Variants in EPS15 observed in about 807,000 individuals in gnomAD.
The protein encoded by EPS15 is epidermal growth factor receptor substrate 15.
In EPS15, 72 loss-of-function variants were observed where a neutral mutation model predicts 113.8. The ratio of observed to expected loss-of-function variants is 0.63; its 90% CI spans 0.52 to 0.77. EPS15 has a LOEUF of 0.77. EPS15 is among the 30% of genes least tolerant of loss of function. EPS15 has a pLI of 0.00. For synonymous variants in EPS15, 344 were observed against 363.4 expected, an observed-to-expected ratio of 0.95 and a Z score of 0.61; for missense variants, 1,048 against 1,045.8, an observed-to-expected ratio of 1.00 and a Z score of -0.03.
At chr1:51,455,696 A>G (rs1000124365) in intron 8 of EPS15, among the ~76,000 whole-genome samples, 3 of 152,242 alleles carry the variant, frequency 2.0e-5, no homozygotes, top group African/African-American at 4.8e-5. Flanking sequence ...ACTCGGAAAT[A>G]TATTTCCAAT....
chr1:51,357,416 ATATATATATATTTTT>A (rs1236135740), intron 24 of EPS15, among the ~76,000 whole-genome samples: 55 of 64,500 alleles, frequency 8.5e-4, no homozygotes, highest in Non-Finnish European at 1.1e-3. Flanking sequence ...ATATATATAT[ATATATATATATTTTT>A]TTTTTTTAAA....
chr1:51,428,653 CCT>C (rs2148458826), intron 12 of EPS15, among the ~76,000 whole-genome samples: 1 of 151,874 alleles, frequency 6.6e-6, no homozygotes, highest in East Asian at 1.9e-4. Flanking sequence ...ACAGTGAAAC[CCT>C]GTCTCCACTA....
intron 1 of EPS15, among the ~76,000 whole-genome samples, chr1:51,505,986 A>G (rs1295106201): frequency 6.6e-6 from 1 of 152,106 alleles, no homozygotes; most frequent in Non-Finnish European, 1.5e-5. Flanking sequence ...TCCTAGGTTC[A>G]AGCAATTCTC....
At chr1:51,471,081 T>C (rs1289634155) in intron 4 of EPS15, among the ~76,000 whole-genome samples, 3 of 152,212 alleles carry the variant, frequency 2.0e-5, no homozygotes, top group Non-Finnish European at 2.9e-5. Context: ...GCTTCAGCTA[T>C]GCCGGGGGTG....
At chr1:51,454,229 A>T (rs1309435618) in intron 8 of EPS15, among the ~76,000 whole-genome samples, 1 of 152,152 alleles carries the variant, frequency 6.6e-6, no homozygotes, top group African/African-American at 2.4e-5. Context: ...GACCCAAACA[A>T]ATATTACTGA....
rs115643375 is a variant in EPS15 at position 51,436,901 on chromosome 1, A to G, written c.1040+3446T>C. Among the ~76,000 whole-genome samples the G allele has an allele frequency of 9.8e-3, 1,487 of 152,272 alleles. 15 individuals are homozygous for G. Among genetic ancestry groups the G allele is most frequent in the African/African-American group, 0.034 (1,413 of 41,540 alleles). Reference sequence around the variant, plus strand: ...AATTCATATCCTACTAGATGTTCAGATGAAAACACTAGTAGGCAATGAAAA... The same window carrying G: ...AATTCATATCCTACTAGATGTTCAGGTGAAAACACTAGTAGGCAATGAAAA... On this transcript the variant is annotated intron_variant, in intron 12 of 24. Transcript: ENST00000371733.
At chr1:51,405,575 G>A (rs1043801976) in intron 16 of EPS15, among the ~76,000 whole-genome samples, 1 of 152,046 alleles carries the variant, frequency 6.6e-6, no homozygotes, top group African/African-American at 2.4e-5. Context: ...GCACGTGACT[G>A]TAATCCCAGC....
chr1:51,440,020 C>G (rs2148473681), intron 12 of EPS15, among the ~76,000 whole-genome samples: 1 of 152,010 alleles, frequency 6.6e-6, no homozygotes, highest in South Asian at 2.1e-4. Flanking sequence ...CGTTTTTTCG[C>G]ATTTTTCTCT....
At chr1:51,462,825 T>C (rs1007519434) in intron 7 of EPS15, among the ~76,000 whole-genome samples, 9 of 149,802 alleles carry the variant, frequency 6.0e-5, no homozygotes, top group African/African-American at 2.5e-5. Context: ...TGCATATTTA[T>C]CACAGTAAAA....
chr1:51,488,485 A>AAAAAAAAAAAC (rs1557517773), intron 1 of EPS15, among the ~76,000 whole-genome samples: 2 of 150,716 alleles, frequency 1.3e-5, no homozygotes, highest in African/African-American at 4.9e-5. Flanking sequence ...AAAAAAAAAA[A>AAAAAAAAAAAC]AAAAAAAAAA....
intron 21 of EPS15, among the ~76,000 whole-genome samples, chr1:51,388,518 T>A (rs926203695): frequency 1.3e-5 from 2 of 152,150 alleles, no homozygotes; most frequent in African/African-American, 4.8e-5. Flanking sequence ...AAAATATTAA[T>A]GAATCCAGGA....
intron 13 of EPS15, among the ~76,000 whole-genome samples, chr1:51,411,608 C>T (rs1649731596): frequency 6.6e-6 from 1 of 152,014 alleles, no homozygotes; most frequent in African/African-American, 2.4e-5. Context: ...TGCTTATGCC[C>T]CTTCTAAATT....
At chr1:51,411,219 A>T (rs950003730) in intron 13 of EPS15, among the ~76,000 whole-genome samples, 1 of 152,240 alleles carries the variant, frequency 6.6e-6, no homozygotes, top group Non-Finnish European at 1.5e-5. Context: ...TGGTTAGTCT[A>T]AAAATATCAT....
chr1:51,492,444 T>C (rs913558807), intron 1 of EPS15, among the ~76,000 whole-genome samples: 15 of 152,108 alleles, frequency 9.9e-5, no homozygotes, highest in African/African-American at 3.6e-4. Flanking sequence ...TTCACTTCTT[T>C]CAAAAATGAA....
intron 12 of EPS15, chr1:51,423,835 A>C (rs1047230039): frequency 2.3e-5 from 10 of 440,420 alleles, no homozygotes; most frequent in African/African-American, 2.1e-4. Context: ...CAGATTACAA[A>C]GGACTCAGCT....
At chr1:51,463,164 C>G (rs1324054459) in intron 7 of EPS15, 2 of 152,248 alleles carry the variant, frequency 1.3e-5, no homozygotes, top group Non-Finnish European at 2.9e-5. Flanking sequence ...GTGTGAGCCA[C>G]CATGCCCAGC....
At chr1:51,382,959 A>G (rs1646975028) in intron 21 of EPS15, among the ~76,000 whole-genome samples, 1 of 152,218 alleles carries the variant, frequency 6.6e-6, no homozygotes, top group South Asian at 2.1e-4. Context: ...CTATAGATCA[A>G]TATCCTTTAT....
At chr1:51,375,717 T>C (rs1237356846) in intron 21 of EPS15, among the ~76,000 whole-genome samples, 1 of 152,216 alleles carries the variant, frequency 6.6e-6, no homozygotes, top group Non-Finnish European at 1.5e-5. Context: ...TAATAACTAA[T>C]TCTCCTTCTC....
At chr1:51,418,432 G>C (rs995404140) in intron 13 of EPS15, among the ~76,000 whole-genome samples, 13 of 152,160 alleles carry the variant, frequency 8.5e-5, no homozygotes, top group South Asian at 6.2e-4. Context: ...TCTTGGCCCT[G>C]GGGAGAAAAT....
Sources: gnomAD v4.1 joint callset for allele counts (sites outside exome capture counted in the v4.1 genomes callset) on GRCh38, gnomAD v4.1.1 for gene constraint, MANE v1.5 for transcripts, NCBI Gene and HGNC (gene_info 2026-07-23, HGNC 2026-07-21) for gene names.